Variants in ATRX observed in about 807,000 individuals in gnomAD.
ATRX encodes the protein chromatin remodeler ATRX.
Under a neutral mutation model 172.6 loss-of-function variants are expected in ATRX, and 12 were observed. That is an observed-to-expected ratio of 0.07 (90% CI 0.04 to 0.11). The LOEUF (loss-of-function observed/expected upper bound fraction) is 0.11, where lower values mean the gene tolerates loss of function less well. ATRX is among the 10% of genes least tolerant of loss of function. ATRX has a pLI of 1.00. For synonymous variants in ATRX, 674 were observed against 594.7 expected, an observed-to-expected ratio of 1.13 and a Z score of -1.94; for missense variants, 1,368 against 1,767.4, an observed-to-expected ratio of 0.77 and a Z score of 4.05.
intron 17 of ATRX, 126 bp from the exon 18 acceptor site, chrX:77,633,838 C>T: frequency 2.8e-6 from 2 of 717,898 alleles, no homozygotes. Context: ...CCAAACCAGG[C>T]AAGGCACAGG....
chrX:77,617,942 TG>T (rs1557097769), intron 21 of ATRX, among the ~76,000 whole-genome samples: 1 of 111,005 alleles, frequency 9.0e-6, no homozygotes, highest in African/African-American at 3.3e-5. Flanking sequence ...TGGAGTGTAG[TG>T]GCATGATTTT....
chrX:77,593,858 G>A lies in ATRX; in HGVS notation c.5957-9C>T, dbSNP rs375791318. On this transcript the variant is annotated splice_polypyrimidine_tract_variant and intron_variant, in intron 25 of 34. Coordinates refer to ENST00000373344, the MANE Select transcript of ATRX (RefSeq NM_000489.6). ...AGAAGAAGTAGCTTTACCTAAATAAGACAAATGGAACATAAGTAGGTAAAT... is the reference window on the plus strand; with the variant it reads ...AGAAGAAGTAGCTTTACCTAAATAAAACAAATGGAACATAAGTAGGTAAAT... 1.7e-6 allele frequency: 2 copies of A among 1,200,620 alleles called. No individual in the cohort carries two copies. The highest frequency in any genetic ancestry group is 2.3e-6 in the Non-Finnish European group (2 of 886,403).
chrX:77,661,221 C>T (rs2069874844), intron 12 of ATRX, among the ~76,000 whole-genome samples: 1 of 111,867 alleles, frequency 8.9e-6, no homozygotes, highest in Admixed American at 9.5e-5. Context: ...CTTCTTTGTA[C>T]ATACATTTCA....
At chrX:77,615,965 T>C in intron 22 of ATRX, 1 of 753,279 alleles carries the variant, frequency 1.3e-6, no homozygotes, top group East Asian at 1.5e-4. Flanking sequence ...GTCCAAAGAT[T>C]AGGTTTTGTT....
At chrX:77,598,429 T>C (rs1557085147) in intron 25 of ATRX, among the ~76,000 whole-genome samples, 7 of 111,491 alleles carry the variant, frequency 6.3e-5, no homozygotes. Flanking sequence ...TACCCCCGAA[T>C]ATAAAAGTTG....
chrX:77,629,057 T>C (rs2067996611), intron 19 of ATRX, among the ~76,000 whole-genome samples: 1 of 112,493 alleles, frequency 8.9e-6, no homozygotes, highest in African/African-American at 3.2e-5. Flanking sequence ...ACTCCCAATT[T>C]TCCAGGCTTC....
intron 20 of ATRX, among the ~76,000 whole-genome samples, chrX:77,619,499 T>TA (rs1191973478): frequency 1.1e-3 from 115 of 105,604 alleles, no homozygotes; most frequent in African/African-American, 2.1e-3. Flanking sequence ...ACACAAATAG[T>TA]AAAAAAAAAA....
intron 1 of ATRX, among the ~76,000 whole-genome samples, chrX:77,755,243 T>C (rs1476654547): frequency 8.9e-6 from 1 of 112,527 alleles, no homozygotes; most frequent in Non-Finnish European, 1.9e-5. Flanking sequence ...TAACCTTTTA[T>C]CAAGTTCCTT....
chrX:77,541,603 A>C (rs2063997755), intron 30 of ATRX, among the ~76,000 whole-genome samples: 2 of 112,055 alleles, frequency 1.8e-5, no homozygotes, highest in Admixed American at 1.9e-4. Context: ...GCAGCACATC[A>C]AAAAGCTTAT....
chrX:77,752,143 G>A (rs1030454610), intron 1 of ATRX, among the ~76,000 whole-genome samples: 9 of 111,356 alleles, frequency 8.1e-5, no homozygotes, highest in Non-Finnish European at 1.1e-4. Context: ...ATTTGTTTGC[G>A]TCCTTATTTC....
At chrX:77,723,503 G>A (rs1031047913) in intron 1 of ATRX, among the ~76,000 whole-genome samples, 1 of 111,408 alleles carries the variant, frequency 9.0e-6, no homozygotes, top group East Asian at 2.8e-4. Context: ...TTGGTGGAGA[G>A]GGTTGTTTTA....
intron 30 of ATRX, among the ~76,000 whole-genome samples, chrX:77,537,188 T>C (rs1421656157): frequency 8.9e-6 from 1 of 112,129 alleles, no homozygotes; most frequent in Admixed American, 9.5e-5. Flanking sequence ...CCCTTTGTCC[T>C]TGAGCAAGTT....
In ATRX at chrX:77,682,317, T is replaced by C. The variant is rs1557138575; in HGVS notation, c.2939A>G (p.Asp980Gly). The change falls in exon 9 of 35, where the codon GAT becomes GGT. Residue 980 changes from aspartate (D) to glycine (G), a missense_variant. Asp to Gly is a moderately conservative substitution (Grantham distance 94, BLOSUM62 -1). Coordinates refer to ENST00000373344, the MANE Select transcript of ATRX (RefSeq NM_000489.6). ...KKDQSDETSE[D>G]DKKQSKKGTE... ...TCCCTTTTTGCTCTGCTTTTTATCA[T>C]CTTCAGAAGTTTCATCGCTCTGGTC... 2.5e-6 allele frequency: 3 copies of C among 1,202,116 alleles called. No individual in the cohort carries two copies. In the East Asian group the frequency reaches 8.9e-5, roughly 36 times the overall value.
intron 28 of ATRX, among the ~76,000 whole-genome samples, chrX:77,566,417 A>G (rs1426215631): frequency 8.9e-6 from 1 of 112,273 alleles, no homozygotes; most frequent in Non-Finnish European, 1.9e-5. Context: ...ATACCATTCA[A>G]GAATGAAGGG....
intron 27 of ATRX, among the ~76,000 whole-genome samples, chrX:77,581,689 A>C (rs2065829456): frequency 8.9e-6 from 1 of 112,138 alleles, no homozygotes; most frequent in African/African-American, 3.2e-5. Flanking sequence ...GACCAAATGG[A>C]CCTAATACAT....
chrX:77,727,452 T>G (rs1214357813), intron 1 of ATRX, among the ~76,000 whole-genome samples: 1 of 111,216 alleles, frequency 9.0e-6, no homozygotes, highest in Non-Finnish European at 1.9e-5. Flanking sequence ...AATGGTACAC[T>G]GGATAAAGAA....
At chrX:77,522,462 G>C (rs951809518) in intron 31 of ATRX, 74 bp from the exon 32 acceptor site, 1 of 1,076,075 alleles carries the variant, frequency 9.3e-7, no homozygotes, top group Non-Finnish European at 1.3e-6. Context: ...TACTGGTTTA[G>C]AAAAGAATCC....
At chrX:77,549,246 G>T (rs1306866093) in intron 30 of ATRX, among the ~76,000 whole-genome samples, 1 of 111,259 alleles carries the variant, frequency 9.0e-6, no homozygotes, top group Non-Finnish European at 1.9e-5. Context: ...TTAGCCAGGC[G>T]TGGTGGCGCA....
chrX:77,571,234 C>A (rs1362876628), intron 28 of ATRX, among the ~76,000 whole-genome samples: 4 of 111,786 alleles, frequency 3.6e-5, no homozygotes, highest in Non-Finnish European at 7.5e-5. Context: ...AAACTTAGGT[C>A]CACACAAAAA....
Sources: allele counts gnomAD v4.1 joint callset (sites outside exome capture counted in the v4.1 genomes callset), GRCh38; gene constraint gnomAD v4.1.1; transcripts MANE v1.5; gene names NCBI Gene and HGNC (gene_info 2026-07-23, HGNC 2026-07-21).